Variants in EYA1 observed in about 807,000 individuals in gnomAD.
EYA1 encodes EYA transcriptional coactivator and phosphatase 1.
In EYA1, 16 loss-of-function variants were observed where a neutral mutation model predicts 82.0. The ratio of observed to expected loss-of-function variants is 0.20; its 90% confidence interval spans 0.13 to 0.30. The LOEUF (loss-of-function observed/expected upper bound fraction) is 0.30. Among genes scored for constraint, EYA1 ranks in the 10% least tolerant of loss-of-function variants. The pLI is 1.00. For synonymous variants in EYA1, 261 were observed against 264.4 expected (o/e 0.99, Z 0.12); for missense variants, 633 against 730.7 (o/e 0.87, Z 1.54).
chr8:71,270,613 A>G (rs539579367), intron 10 of EYA1, among the ~76,000 whole-genome samples: 1 of 152,340 alleles, frequency 6.6e-6, no homozygotes, highest in South Asian at 2.1e-4. Context: ...CAAAATAATC[A>G]TGTTTTCCAA....
intron 2 of EYA1, among the ~76,000 whole-genome samples, chr8:71,376,658 T>G (rs1828391249): frequency 6.6e-6 from 1 of 152,144 alleles, no homozygotes; most frequent in Admixed American, 6.5e-5. Context: ...GTAAATTGAA[T>G]GTGGGTTTCA....
intron 2 of EYA1, among the ~76,000 whole-genome samples, chr8:71,377,526 G>T (rs189261620): frequency 1.3e-5 from 2 of 152,144 alleles, no homozygotes; most frequent in East Asian, 1.9e-4. Flanking sequence ...AAAACCAATG[G>T]ACACATTTCT....
chr8:71,210,827 G>A (rs1808417256), intron 17 of EYA1, among the ~76,000 whole-genome samples: 1 of 152,234 alleles, frequency 6.6e-6, no homozygotes, highest in African/African-American at 2.4e-5. Context: ...GAACCACCTG[G>A]CATGTCTGCC....
At chr8:71,467,724 G>A (rs547467636) in intron 2 of EYA1, among the ~76,000 whole-genome samples, 1 of 152,170 alleles carries the variant, frequency 6.6e-6, no homozygotes, top group East Asian at 1.9e-4. Flanking sequence ...ATGGATACTG[G>A]CAGAAATGAT....
intron 2 of EYA1, among the ~76,000 whole-genome samples, chr8:71,384,220 AT>A (rs1035630031): frequency 7.2e-5 from 11 of 152,322 alleles, no homozygotes; most frequent in African/African-American, 2.6e-4. Context: ...GCCTTCATAT[AT>A]TTTAAATTGG....
chr8:71,511,293 G>A (rs530011202), intron 2 of EYA1, among the ~76,000 whole-genome samples: 1 of 152,082 alleles, frequency 6.6e-6, no homozygotes, highest in African/African-American at 2.4e-5. Context: ...TACCAGATGT[G>A]GGTAATGAAA....
At chr8:71,305,037 G>A (rs992328970) in intron 7 of EYA1, among the ~76,000 whole-genome samples, 7 of 143,052 alleles carry the variant, frequency 4.9e-5, no homozygotes, top group African/African-American at 1.7e-4. Context: ...GACAGGATAA[G>A]ACATGACCAG....
intron 3 of EYA1, among the ~76,000 whole-genome samples, chr8:71,343,358 C>T (rs1488336443): frequency 6.6e-6 from 1 of 152,124 alleles, no homozygotes; most frequent in Non-Finnish European, 1.5e-5. Flanking sequence ...GAAACTTAAT[C>T]CCCGATGTGT....
chr8:71,543,902 A>G (rs1036041488), intron 1 of EYA1, among the ~76,000 whole-genome samples: 3 of 152,242 alleles, frequency 2.0e-5, no homozygotes, highest in Admixed American at 1.3e-4. Context: ...TCCAACACCC[A>G]TCTCCAACCT....
At position 71,446,957 on chromosome 8, in the gene EYA1, T is replaced by C. The variant is rs111736652; in HGVS notation, c.33+88787A>G. Among the ~76,000 whole-genome samples, 640 of 152,192 alleles carry C rather than the reference T, an allele frequency of 4.2e-3. 4 individuals carry two copies. Among genetic ancestry groups the C allele is most frequent in the African/African-American group, 0.015 (610 of 41,536 alleles). ...AAGTAGCAGCTTAGTTATCCTGCAA[T>C]CTCAATTAACAGGCACTGAGCAACC... On this transcript the variant is annotated intron_variant, in intron 2 of 18. Coordinates refer to the EYA1 transcript ENST00000643681.
At chr8:71,211,875 T>C (rs996783146) in intron 16 of EYA1, among the ~76,000 whole-genome samples, 4 of 152,196 alleles carry the variant, frequency 2.6e-5, no homozygotes, top group South Asian at 2.1e-4. Context: ...TTTGAGGTAG[T>C]GCAGCAAGAT....
intron 2 of EYA1, among the ~76,000 whole-genome samples, chr8:71,523,247 C>A (rs1225214847): frequency 7.2e-6 from 1 of 139,370 alleles, no homozygotes; most frequent in African/African-American, 2.8e-5. Context: ...GGCGCGATCT[C>A]GGCTCACTGC....
At chr8:71,489,546 G>A (rs1719630469) in intron 2 of EYA1, among the ~76,000 whole-genome samples, 1 of 152,174 alleles carries the variant, frequency 6.6e-6, no homozygotes, top group African/African-American at 2.4e-5. Context: ...CTCTTTAACT[G>A]TAGTCTAAGC....
intron 9 of EYA1, among the ~76,000 whole-genome samples, chr8:71,286,796 AGTTTTTTTT>A (rs1400851871): frequency 9.9e-6 from 1 of 100,656 alleles, no homozygotes; most frequent in Non-Finnish European, 1.8e-5. Context: ...TCATATTGGT[AGTTTTTTTT>A]TTTTTTTTTT....
rs571859649 is a variant in EYA1 at position 71,319,508 on chromosome 8, G to A, written c.419-1819C>T. 3.3e-5 allele frequency among the ~76,000 whole-genome samples: 5 copies of A among 152,148 alleles called. No individual in the cohort carries two copies. The East Asian group carries it at 9.7e-4, about 30-fold the overall frequency. On this transcript the variant is annotated intron_variant, in intron 6 of 17. Coordinates refer to ENST00000340726, the MANE Select transcript of EYA1 (RefSeq NM_000503.6). ...TTGTGATAAGAACATGTAAGGAAAGGCAGAAAGAGGTAGAAAGCACCCATA... is the reference window on the plus strand; with the variant it reads ...TTGTGATAAGAACATGTAAGGAAAGACAGAAAGAGGTAGAAAGCACCCATA...
In EYA1 at chr8:71,254,519, T is replaced by C. The variant is rs955406190; in HGVS notation, c.1051-9827A>G. The stretch of plus-strand genomic sequence containing the variant: ...GACATATAATAAACTGTAAAGTAAA[T>C]AAACAAAACTACTGGAGAAAAACAC... On this transcript the variant is annotated intron_variant, in intron 11 of 17. Coordinates refer to ENST00000340726, the MANE Select transcript of EYA1 (RefSeq NM_000503.6). Among the ~76,000 whole-genome samples, 3 of 151,808 alleles carry C rather than the reference T, an allele frequency of 2.0e-5. No homozygotes were observed. The East Asian group carries it at 5.8e-4, about 29-fold the overall frequency.
chr8:71,507,932 G>A (rs1563685605), intron 2 of EYA1, among the ~76,000 whole-genome samples: 1 of 152,186 alleles, frequency 6.6e-6, no homozygotes, highest in Non-Finnish European at 1.5e-5. Context: ...TGCCTTTTAA[G>A]TTAAAAATAA....
Position 71,434,296 on chromosome 8 carries a change from C to G in EYA1, c.34-77785G>C, listed in dbSNP as rs189490785. Among the ~76,000 whole-genome samples, 674 of 152,176 alleles carry G rather than the reference C, an allele frequency of 4.4e-3. 4 individuals carry two copies. The highest frequency in any genetic ancestry group is 0.016 in the African/African-American group (652 of 41,518). On this transcript the variant is annotated intron_variant, in intron 2 of 18. Coordinates refer to the EYA1 transcript ENST00000643681. ...TACAATTTCACACATATAGGGACAC[C>G]AATGTTTCCTTCATAAATGCAATGG...
chr8:71,314,447 T>C (rs1219903431), intron 7 of EYA1, among the ~76,000 whole-genome samples: 2 of 152,204 alleles, frequency 1.3e-5, no homozygotes, highest in Admixed American at 1.3e-4. Context: ...TCTGGCTTAA[T>C]ATGTGGAAGT....
Sources: gnomAD v4.1 joint callset for allele counts (sites outside exome capture counted in the v4.1 genomes callset) on GRCh38, gnomAD v4.1.1 for gene constraint, MANE v1.5 for transcripts, NCBI Gene and HGNC (gene_info 2026-07-23, HGNC 2026-07-21) for gene names.